The following SPIRE1 variants were observed in gnomAD, a reference collection of about 807,000 sequenced individuals.
SPIRE1 encodes spire type actin nucleation factor 1.
In SPIRE1, 40 loss-of-function variants were observed where a neutral mutation model predicts 94.1. That is an observed-to-expected ratio of 0.43 (90% confidence interval 0.33 to 0.55). The LOEUF is 0.55. Ranked by LOEUF, SPIRE1 falls within the 20% of genes least tolerant of loss-of-function variation. SPIRE1 has a pLI of 0.06. For missense variants in SPIRE1, 838 were observed against 975.2 expected, an observed-to-expected ratio of 0.86 and a Z score of 1.87; for synonymous variants, 376 against 371.7, an observed-to-expected ratio of 1.01 and a Z score of -0.13.
At chr18:12,634,234 C>T (rs1489822824) in intron 2 of SPIRE1, among the ~76,000 whole-genome samples, 4 of 147,832 alleles carry the variant, frequency 2.7e-5, no homozygotes, top group East Asian at 2.0e-4. Context: ...GGCGACAGAG[C>T]GAGACTCCGT....
chr18:12,590,093 T>C (rs1475058428), intron 2 of SPIRE1, among the ~76,000 whole-genome samples: 2 of 147,608 alleles, frequency 1.4e-5, no homozygotes, highest in African/African-American at 2.5e-5. Flanking sequence ...CTAATTTCTT[T>C]TTTTTTTTTT....
chr18:12,633,126 T>C (rs561346337), intron 2 of SPIRE1, among the ~76,000 whole-genome samples: 1 of 152,256 alleles, frequency 6.6e-6, no homozygotes, highest in African/African-American at 2.4e-5. Context: ...CAAAATTGCA[T>C]AGCTAGAAAA....
At chr18:12,621,237 G>A (rs530581811) in intron 2 of SPIRE1, among the ~76,000 whole-genome samples, 51 of 152,268 alleles carry the variant, frequency 3.3e-4, no homozygotes, top group African/African-American at 1.1e-3. Flanking sequence ...ACAAGTGTTG[G>A]CAAGGATGTG....
rs575633580 is a variant in SPIRE1 at position 12,638,237 on chromosome 18, G to A, written c.338-3141C>T. ...AGGTGGGAGGATTGTTTGAGCTCAG[G>A]AGTTTGAAACCAGCCTAGGTAACAT... On this transcript the variant is annotated intron_variant, in intron 1 of 16. Transcript: ENST00000409402. 2.0e-5 allele frequency among the ~76,000 whole-genome samples: 3 copies of A among 152,224 alleles called. No individual in the cohort carries two copies. The East Asian group carries it at 5.8e-4, about 29-fold the overall frequency.
At chr18:12,504,815 C>T (rs1345155631) in intron 6 of SPIRE1, among the ~76,000 whole-genome samples, 1 of 152,122 alleles carries the variant, frequency 6.6e-6, no homozygotes, top group East Asian at 1.9e-4. Flanking sequence ...TGTGGGAAAA[C>T]TTGAGCACAG....
At chr18:12,631,716 T>C (rs1435823009) in intron 2 of SPIRE1, among the ~76,000 whole-genome samples, 1 of 151,908 alleles carries the variant, frequency 6.6e-6, no homozygotes, top group Non-Finnish European at 1.5e-5. Context: ...AATACAAAAA[T>C]TAGCCGGGCA....
intron 4 of SPIRE1, among the ~76,000 whole-genome samples, chr18:12,517,018 C>T (rs1393898164): frequency 6.6e-6 from 1 of 152,164 alleles, no homozygotes; most frequent in Non-Finnish European, 1.5e-5. Context: ...CAAACTGTAG[C>T]TCAGATACTT....
intron 2 of SPIRE1, among the ~76,000 whole-genome samples, chr18:12,595,172 G>A (rs1292889997): frequency 6.6e-6 from 1 of 152,058 alleles, no homozygotes; most frequent in East Asian, 1.9e-4. Flanking sequence ...CTATAGGGGT[G>A]GCTCATGCCT....
At chr18:12,525,495 G>C (rs2034494835) in intron 4 of SPIRE1, among the ~76,000 whole-genome samples, 1 of 151,720 alleles carries the variant, frequency 6.6e-6, no homozygotes, top group South Asian at 2.1e-4. Context: ...CATTTCATCT[G>C]TTTAAGAAAA....
At chr18:12,633,654 A>G (rs1315055151) in intron 2 of SPIRE1, among the ~76,000 whole-genome samples, 2 of 152,298 alleles carry the variant, frequency 1.3e-5, no homozygotes, top group Non-Finnish European at 1.5e-5. Context: ...CTATTATACA[A>G]TATAATCCCT....
intron 2 of SPIRE1, among the ~76,000 whole-genome samples, chr18:12,562,311 A>AAAC (rs1323786154): frequency 2.6e-5 from 4 of 151,830 alleles, no homozygotes; most frequent in Admixed American, 2.6e-4. Context: ...CTGAGACATG[A>AAAC]TCTCACTCTG....
chr18:12,557,549 A>C (rs1000220841), intron 2 of SPIRE1, among the ~76,000 whole-genome samples: 2 of 152,078 alleles, frequency 1.3e-5, no homozygotes, highest in African/African-American at 4.8e-5. Context: ...CTGCAAGCAG[A>C]GGGAGCCGGC....
At chr18:12,613,806 G>T (rs949789740) in intron 2 of SPIRE1, among the ~76,000 whole-genome samples, 6 of 152,138 alleles carry the variant, frequency 3.9e-5, no homozygotes, top group African/African-American at 1.4e-4. Context: ...CAAGAGATTC[G>T]CTTAAACCAA....
chr18:12,553,277 G>A (rs1226786703), intron 2 of SPIRE1, among the ~76,000 whole-genome samples: 1 of 152,190 alleles, frequency 6.6e-6, no homozygotes, highest in African/African-American at 2.4e-5. Context: ...AGGCTCTTGG[G>A]GCTCCCAGTA....
At chr18:12,464,812 A>C in intron 11 of SPIRE1, 56 bp downstream of exon 11, 1 of 1,446,570 alleles carries the variant, frequency 6.9e-7, no homozygotes, top group East Asian at 2.3e-5. Flanking sequence ...GCTCTAGGTC[A>C]AGTGTGTTTT....
At chr18:12,594,461 A>G (rs1028509903) in intron 2 of SPIRE1, among the ~76,000 whole-genome samples, 1 of 152,242 alleles carries the variant, frequency 6.6e-6, no homozygotes, top group Non-Finnish European at 1.5e-5. Flanking sequence ...TTTATTGATA[A>G]TCTGTTACTG....
In SPIRE1 at chr18:12,587,250, G is replaced by T. The variant is rs760102505; in HGVS notation, c.373-40346C>A. Among the ~76,000 whole-genome samples the T allele has an allele frequency of 1.2e-3, 185 of 152,166 alleles. 4 individuals carry two copies. Among genetic ancestry groups the T allele is most frequent in the Non-Finnish European group, 4.0e-4 (27 of 68,044 alleles). ...AATAAATTCTGACAGACGGTGTGAT[G>T]AAGTGAAAAGAGTACTGGATTGGGC... On this transcript the variant is annotated intron_variant, in intron 2 of 16. Coordinates refer to ENST00000409402, the MANE Select transcript of SPIRE1 (RefSeq NM_001128626.2).
chr18:12,602,743 A>C (rs192861016), intron 2 of SPIRE1, among the ~76,000 whole-genome samples: 2 of 152,320 alleles, frequency 1.3e-5, no homozygotes, highest in Admixed American at 1.3e-4. Context: ...CCTACTGTGA[A>C]ACAAGGCTGA....
chr18:12,560,955 AC>A (rs2035665025), intron 2 of SPIRE1, among the ~76,000 whole-genome samples: 1 of 152,246 alleles, frequency 6.6e-6, no homozygotes, highest in African/African-American at 2.4e-5. Flanking sequence ...ATTTAACTGT[AC>A]ATTTAAAAAT....
Sources: gnomAD v4.1 joint callset for allele counts (sites outside exome capture counted in the v4.1 genomes callset) on GRCh38, gnomAD v4.1.1 for gene constraint, MANE v1.5 for transcripts, NCBI Gene and HGNC (gene_info 2026-07-23, HGNC 2026-07-21) for gene names.